The following INTS3 variants were observed in gnomAD, a reference collection of about 807,000 sequenced individuals.
The protein encoded by INTS3 is integrator complex subunit 3.
In INTS3, 34 loss-of-function variants were observed where a neutral mutation model predicts 146.3. The ratio of observed to expected loss-of-function variants is 0.23; its 90% CI spans 0.18 to 0.31. The LOEUF is 0.31. Ranked by LOEUF, INTS3 falls within the 10% of genes least tolerant of loss-of-function variation. The pLI is 1.00. For missense variants in INTS3, 757 were observed against 1,304.2 expected (o/e 0.58, Z 6.46); for synonymous variants, 475 against 494.9 (o/e 0.96, Z 0.53).
In INTS3 at chr1:153,773,851, G is replaced by C. The variant is rs1373667072; in HGVS notation, c.*581G>C. The C allele has an allele frequency of 1.8e-5, 3 of 169,858 alleles. No homozygotes were observed. In the East Asian group the frequency reaches 5.7e-4, roughly 32 times the overall value. 10.5% of individuals were successfully genotyped at this position (169,858 alleles called of 1,614,324 possible). A position where few individuals can be genotyped will look rare whatever the true frequency, so the allele number is the denominator to read the frequency against. On this transcript the variant is annotated 3_prime_UTR_variant, in exon 30 of 30. Coordinates refer to ENST00000318967, the MANE Select transcript of INTS3 (RefSeq NM_023015.5). ...AGCATTCAGAAAGGAGTCTGAAAGG[G>C]TGGCCACAGCCCCACGTGGTGTGCC...
chr1:153,733,858 C>G (rs1671186155), intron 1 of INTS3, among the ~76,000 whole-genome samples: 1 of 151,400 alleles, frequency 6.6e-6, no homozygotes, highest in African/African-American at 2.4e-5. Context: ...CCCCCTCAGC[C>G]TCCCAGAGTG....
intron 1 of INTS3, 79 bp downstream of exon 1, chr1:153,728,863 GGGGGTGGGGGC>G: frequency 1.8e-6 from 1 of 563,752 alleles, no homozygotes; most frequent in Non-Finnish European, 3.0e-6. Context: ...TGGGAGGACG[GGGGGTGGGGGC>G]GGGGGTGGAG....
intron 7 of INTS3, among the ~76,000 whole-genome samples, chr1:153,751,784 A>T (rs1475502849): frequency 1.3e-5 from 2 of 152,216 alleles, no homozygotes; most frequent in African/African-American, 4.8e-5. Context: ...TGTTAGATAA[A>T]AAGTTAAAAT....
intron 12 of INTS3, 126 bp downstream of exon 12, chr1:153,760,516 C>A: frequency 1.3e-6 from 1 of 750,180 alleles, no homozygotes; most frequent in Non-Finnish European, 2.3e-6. Context: ...GTCATGGGTC[C>A]TATCCCCCAA....
intron 1 of INTS3, among the ~76,000 whole-genome samples, chr1:153,730,106 C>G (rs1485209381): frequency 6.6e-6 from 1 of 152,106 alleles, no homozygotes; most frequent in Non-Finnish European, 1.5e-5. Context: ...GATGGTAGAA[C>G]ATACATGCCA....
In INTS3 at chr1:153,772,002, G is replaced by A. The variant is rs758776497; in HGVS notation, c.2720+39G>A. ...CCTGTCTACCCTCCAGGCCATGGCG[G>A]TCTGCAGTGATTGCTGTCGGTGGTG... On this transcript the variant is annotated intron_variant, in intron 26 of 29. Coordinates refer to ENST00000318967, the MANE Select transcript of INTS3 (RefSeq NM_023015.5). This position sits in a 1 kb window ranked among gnomAD's most constrained non-coding sequence, Gnocchi z 4.6. 1.2e-5 allele frequency: 19 copies of A among 1,567,176 alleles called. No homozygotes were observed. Among genetic ancestry groups the A allele is most frequent in the Admixed American group, 1.8e-5 (1 of 56,060 alleles).
chr1:153,770,566 GCTC>G, intron 24 of INTS3, 116 bp from the exon 25 acceptor site: 1 of 853,712 alleles, frequency 1.2e-6, no homozygotes, highest in Non-Finnish European at 1.9e-6. Flanking sequence ...ATTCTTCCTG[GCTC>G]CTCATCAAAG....
chr1:153,747,480 T>C (rs1671793642), intron 5 of INTS3, 117 bp downstream of exon 5: 1 of 778,014 alleles, frequency 1.3e-6, no homozygotes, highest in South Asian at 1.5e-5. Flanking sequence ...TTAGACTGTT[T>C]CCTTCTGATA....
At chr1:153,748,599 C>G in intron 5 of INTS3, 90 bp from the exon 6 acceptor site, 1 of 1,015,126 alleles carries the variant, frequency 9.9e-7, no homozygotes, top group Non-Finnish European at 1.6e-6. Context: ...GGATGGCAGT[C>G]AGGGTGGACC....
chr1:153,752,074 C>T, intron 7 of INTS3: 2 of 590,738 alleles, frequency 3.4e-6, no homozygotes, highest in East Asian at 3.1e-5. Context: ...ACTAACCTCT[C>T]ATCCTTGATA....
At chr1:153,763,998 G>A in intron 17 of INTS3, 112 bp downstream of exon 17, 1 of 1,280,746 alleles carries the variant, frequency 7.8e-7, no homozygotes, top group Non-Finnish European at 1.1e-6. Context: ...CCCTCTTATA[G>A]TGGGGAGGGG....
rs1332943535 is a variant in INTS3 at position 153,764,132 on chromosome 1, G to A, written c.1836G>A (p.Ser612=). The part of the protein sequence containing the change: ...VDQVLEEDFD[S]EQLSVLASCL... ...TCATCACCCAGGAAGACTTTGACTC[G>A]GAGCAGCTGTCTGTCCTTGCTTCCT... is the stretch of plus-strand genomic sequence containing the variant. Residue 612 remains serine, a synonymous_variant, in exon 18 of 30, where the codon TCG becomes TCA. Transcript: ENST00000318967. The A allele has an allele frequency of 1.2e-6, 2 of 1,613,730 alleles. No individual in the cohort carries two copies. Among genetic ancestry groups the A allele is most frequent in the South Asian group, 1.1e-5 (1 of 91,086 alleles).
chr1:153,752,234 G>GT, intron 7 of INTS3, 45 bp from the exon 8 acceptor site: 1 of 1,597,066 alleles, frequency 6.3e-7, no homozygotes, highest in Non-Finnish European at 8.6e-7. Flanking sequence ...AACAATCCAT[G>GT]TTTTTATTCT....
intron 20 of INTS3, among the ~76,000 whole-genome samples, chr1:153,766,101 G>A (rs1672568081): frequency 7.0e-6 from 1 of 142,034 alleles, no homozygotes; most frequent in South Asian, 2.3e-4. Context: ...TTTGTGACTT[G>A]CTTTTTTCTT....
At chr1:153,732,293 T>C (rs1671096831) in intron 1 of INTS3, among the ~76,000 whole-genome samples, 1 of 152,194 alleles carries the variant, frequency 6.6e-6, no homozygotes, top group African/African-American at 2.4e-5. Flanking sequence ...ATAATTCATA[T>C]ACATATGTGA....
chr1:153,760,484 G>A (rs747072055), intron 12 of INTS3, 94 bp downstream of exon 12: 21 of 1,056,478 alleles, frequency 2.0e-5, no homozygotes, highest in Middle Eastern at 2.3e-4. Context: ...TTCTCGGTAT[G>A]CCTTGACTGA....
chr1:153,763,419 G>A (rs1672463615), intron 16 of INTS3, 57 bp downstream of exon 16: 4 of 1,589,630 alleles, frequency 2.5e-6, no homozygotes, highest in Non-Finnish European at 3.4e-6. Flanking sequence ...TCTCTACCTG[G>A]TGCTTAATGG....
At chr1:153,756,898 G>T (rs1460125297) in intron 9 of INTS3, among the ~76,000 whole-genome samples, 1 of 152,202 alleles carries the variant, frequency 6.6e-6, no homozygotes, top group Admixed American at 6.5e-5. Flanking sequence ...CATCATTGCC[G>T]AAAGTTCTGT....
At chr1:153,755,343 A>G (rs975695842) in intron 9 of INTS3, among the ~76,000 whole-genome samples, 3 of 152,016 alleles carry the variant, frequency 2.0e-5, no homozygotes, top group African/African-American at 7.3e-5. Flanking sequence ...GGCTCTCCGC[A>G]GCCTCCGCCT....
Sources: gnomAD v4.1 joint callset for allele counts (sites outside exome capture counted in the v4.1 genomes callset) on GRCh38, gnomAD v4.1.1 for gene constraint, Gnocchi (gnomAD v3.1) non-coding constraint, MANE v1.5 for transcripts, NCBI Gene and HGNC (gene_info 2026-07-23, HGNC 2026-07-21) for gene names.